CCDC3: variants seen among roughly 807,000 people sequenced by gnomAD.
CCDC3 encodes the protein coiled-coil domain-containing protein 3.
CCDC3 carries 24 observed loss-of-function variants against 21.4 expected under a neutral mutation model. The ratio of observed to expected loss-of-function variants is 1.12; its 90% CI spans 0.81 to 1.58. CCDC3 has a LOEUF of 1.58. CCDC3 is among the 40% of genes most tolerant of loss of function. CCDC3 has a pLI of 0.00. For synonymous variants in CCDC3, 186 were observed against 166.0 expected (o/e 1.12, Z -0.93); for missense variants, 425 against 360.9 (o/e 1.18, Z -1.44).
chr10:13,048,287 G>T (rs572642915), intron 5 of CCDC3, among the ~76,000 whole-genome samples: 1 of 152,084 alleles, frequency 6.6e-6, no homozygotes, highest in South Asian at 2.1e-4. Flanking sequence ...TGCCTCCCAG[G>T]TTCAAGCAAT....
intron 5 of CCDC3, among the ~76,000 whole-genome samples, chr10:13,035,360 T>C (rs989661307): frequency 4.8e-4 from 73 of 152,230 alleles, no homozygotes; most frequent in Non-Finnish European, 4.6e-4. Flanking sequence ...CATTAGACAT[T>C]AGAGACCAAA....
intron 2 of CCDC3, among the ~76,000 whole-genome samples, chr10:12,919,679 G>T (rs1005576752): frequency 6.7e-6 from 1 of 150,140 alleles, no homozygotes; most frequent in Admixed American, 6.6e-5. Context: ...TCTTGCAGTC[G>T]CCTTGATGCC....
At chr10:13,006,501 T>G (rs181829830), upstream of CCDC3, among the ~76,000 whole-genome samples, 2 of 152,344 alleles carry the variant, frequency 1.3e-5, no homozygotes, top group Admixed American at 6.5e-5. Flanking sequence ...TTCTTTCAAG[T>G]CTTTGATGGC....
chr10:13,090,966 C>A (rs1588422734), intron 3 of CCDC3, among the ~76,000 whole-genome samples: 1 of 152,158 alleles, frequency 6.6e-6, no homozygotes, highest in Admixed American at 6.5e-5. Flanking sequence ...AGCCTGAGAG[C>A]CCCCAGCAAA....
In CCDC3 at chr10:12,932,773, A is replaced by G. The variant is rs190829823; in HGVS notation, c.550-34094T>C. Reference sequence around the variant, plus strand: ...GCGGGAAAGCTTTGGGCTTCTCACTATTAATTATAATGTTAGCTTTAGTTT... The same window carrying G: ...GCGGGAAAGCTTTGGGCTTCTCACTGTTAATTATAATGTTAGCTTTAGTTT... On this transcript the variant is annotated intron_variant, in intron 2 of 2. Transcript: ENST00000378825. Among the ~76,000 whole-genome samples the G allele has an allele frequency of 1.9e-3, 293 of 152,290 alleles. 4 individuals are homozygous for G. Among genetic ancestry groups the G allele is most frequent in the African/African-American group, 6.8e-3 (281 of 41,564 alleles).
Position 12,953,722 on chromosome 10 carries a change from C to T in CCDC3, c.549+44616G>A, listed in dbSNP as rs1253914790. Among the ~76,000 whole-genome samples, 5 of 152,328 alleles carry T rather than the reference C, an allele frequency of 3.3e-5. No homozygotes were observed. The East Asian group carries it at 9.6e-4, about 29-fold the overall frequency. ...AGAAGAGCCACAGGGGGCCTCGAGGCACTCGGCCCCAGGCAATGCTCAGAA... is the reference window on the plus strand; with the variant it reads ...AGAAGAGCCACAGGGGGCCTCGAGGTACTCGGCCCCAGGCAATGCTCAGAA... On this transcript the variant is annotated intron_variant, in intron 2 of 2. Transcript: ENST00000378825.
chr10:12,964,451 G>C (rs1024444606), intron 2 of CCDC3, among the ~76,000 whole-genome samples: 21 of 151,988 alleles, frequency 1.4e-4, no homozygotes, highest in African/African-American at 4.6e-4. Context: ...CCCGCTTTCA[G>C]ATCTTGTTGG....
intron 2 of CCDC3, among the ~76,000 whole-genome samples, chr10:12,957,335 A>G (rs11258084): frequency 0.52 from 78,913 of 152,146 alleles, 23,149 homozygotes; most frequent in Non-Finnish European, 0.66. Context: ...TCTCTCCTGC[A>G]CTGCAGTAAT....
At chr10:13,090,774 A>T (rs1271050823) in intron 3 of CCDC3, among the ~76,000 whole-genome samples, 3 of 152,218 alleles carry the variant, frequency 2.0e-5, no homozygotes, top group Non-Finnish European at 2.9e-5. Context: ...CAGAAGTAAA[A>T]GGACAGATGC....
At chr10:13,054,889 C>T (rs1378297809) in intron 4 of CCDC3, among the ~76,000 whole-genome samples, 1 of 152,148 alleles carries the variant, frequency 6.6e-6, no homozygotes, top group Non-Finnish European at 1.5e-5. Flanking sequence ...CTGGTCTCAA[C>T]CTCCTGACCT....
intron 2 of CCDC3, among the ~76,000 whole-genome samples, chr10:12,988,098 A>G (rs1057316286): frequency 2.6e-5 from 4 of 152,090 alleles, no homozygotes; most frequent in African/African-American, 9.7e-5. Context: ...ATGCTCAGAA[A>G]TGTCCACATG....
In CCDC3 at chr10:12,898,491, A is replaced by G. The variant is rs1425018688; in HGVS notation, c.738T>C (p.Ser246=). ...GCAGCGCGCCCGCCGCCAGCTTCTC[A>G]CTGAGTTTCTGGTTCGCCAGCTCCA... ...RHLELANQKL[S]EKLAAGALPH... The change falls in exon 3 of 3, where the codon AGT becomes AGC. Residue 246 remains serine (S), a synonymous_variant. Transcript: ENST00000378825. 2 of 1,613,628 alleles carry G rather than the reference A, an allele frequency of 1.2e-6. No individual in the cohort carries two copies. The highest frequency in any genetic ancestry group is 1.7e-6 in the Non-Finnish European group (2 of 1,179,634).
At chr10:12,937,970 T>C (rs1285250445) in intron 2 of CCDC3, among the ~76,000 whole-genome samples, 8 of 144,464 alleles carry the variant, frequency 5.5e-5, no homozygotes. Flanking sequence ...TCTGTGTTCA[T>C]TCTTATGCCT....
Position 13,001,517 on chromosome 10 carries a change from G to A in CCDC3, c.54C>T (p.Pro18=), listed in dbSNP as rs1018447548. 42 of 1,319,166 alleles carry A rather than the reference G, an allele frequency of 3.2e-5. No homozygotes were observed. The highest frequency in any genetic ancestry group is 4.0e-5 in the Non-Finnish European group (41 of 1,037,058). 81.7% of individuals were successfully genotyped at this position (1,319,166 alleles called of 1,614,324 possible). A position where few individuals can be genotyped will look rare whatever the true frequency, so the allele number is the denominator to read the frequency against. Residue 18 remains proline, a synonymous_variant, in exon 1 of 3, where the codon CCC becomes CCT. Coordinates refer to ENST00000378825, the MANE Select transcript of CCDC3 (RefSeq NM_031455.4). ...AALCLAGPPA[P]ARACQLPSEW... ...CGGAGGGCAGCTGGCAGGCGCGCGCGGGCGCTGGGGGACCCGCCAGGCAGA... is the reference window on the plus strand; with the variant it reads ...CGGAGGGCAGCTGGCAGGCGCGCGCAGGCGCTGGGGGACCCGCCAGGCAGA...
At chr10:13,047,439 G>A (rs1160492873) in intron 5 of CCDC3, among the ~76,000 whole-genome samples, 1 of 152,124 alleles carries the variant, frequency 6.6e-6, no homozygotes, top group Non-Finnish European at 1.5e-5. Flanking sequence ...AGGAAAAAGG[G>A]ATTCTCAGGA....
chr10:12,978,403 A>T (rs968202555), intron 2 of CCDC3, among the ~76,000 whole-genome samples: 14 of 152,236 alleles, frequency 9.2e-5, no homozygotes, highest in African/African-American at 3.4e-4. Flanking sequence ...TGTTCACAGA[A>T]ATGTGCTACT....
chr10:13,049,362 C>T (rs1028833147), intron 5 of CCDC3, among the ~76,000 whole-genome samples: 1 of 152,054 alleles, frequency 6.6e-6, no homozygotes, highest in African/African-American at 2.4e-5. Flanking sequence ...ACTTTATTCC[C>T]TTATTCAGAA....
intron 2 of CCDC3, among the ~76,000 whole-genome samples, chr10:12,939,132 T>C (rs1023662341): frequency 2.0e-5 from 3 of 152,210 alleles, no homozygotes; most frequent in Non-Finnish European, 2.9e-5. Flanking sequence ...ACTTTTAGCC[T>C]TTAACGCTTT....
chr10:12,920,932 T>C (rs908308791), intron 2 of CCDC3, among the ~76,000 whole-genome samples: 1 of 152,204 alleles, frequency 6.6e-6, no homozygotes, highest in African/African-American at 2.4e-5. Flanking sequence ...AGATTTATTT[T>C]GCAAACCAGG....
Sources: gnomAD v4.1 joint callset for allele counts (sites outside exome capture counted in the v4.1 genomes callset) on GRCh38, gnomAD v4.1.1 for gene constraint, MANE v1.5 for transcripts, NCBI Gene and HGNC (gene_info 2026-07-23, HGNC 2026-07-21) for gene names.